Variants in CACNA1B observed in about 807,000 individuals in gnomAD.
CACNA1B encodes voltage-dependent N-type calcium channel subunit alpha-1B.
Under a neutral mutation model 247.2 loss-of-function variants are expected in CACNA1B, and 70 were observed. The ratio of observed to expected loss-of-function variants is 0.28; its 90% confidence interval spans 0.23 to 0.35. The LOEUF is 0.35. Among genes scored for constraint, CACNA1B ranks in the 10% least tolerant of loss-of-function variants. The pLI, the probability that CACNA1B is intolerant of heterozygous loss-of-function variation, is 1.00. For missense variants in CACNA1B, 2,367 were observed against 3,197.4 expected, an observed-to-expected ratio of 0.74 and a Z score of 6.26; for synonymous variants, 1,231 against 1,294.4, an observed-to-expected ratio of 0.95 and a Z score of 1.05.
intron 19 of CACNA1B, among the ~76,000 whole-genome samples, chr9:138,024,649 G>T (rs1022315900): frequency 2.0e-5 from 3 of 152,068 alleles, no homozygotes; most frequent in African/African-American, 7.2e-5. Context: ...ATTATTATTG[G>T]AGACAGGACC....
At chr9:137,904,838 G>T (rs1423188779) in intron 3 of CACNA1B, among the ~76,000 whole-genome samples, 2 of 151,934 alleles carry the variant, frequency 1.3e-5, no homozygotes, top group African/African-American at 4.8e-5. Context: ...TCCTATTCAT[G>T]TCCTACTATG....
chr9:137,901,686 A>AC (rs1957241785), intron 3 of CACNA1B, among the ~76,000 whole-genome samples: 1 of 112,396 alleles, frequency 8.9e-6, no homozygotes, highest in Non-Finnish European at 1.8e-5. Context: ...TTTTTTTGTG[A>AC]TTTTTTTTTT....
At chr9:137,939,843 TAAATAAAA>T (rs202143446) in intron 6 of CACNA1B, among the ~76,000 whole-genome samples, 32,069 of 139,448 alleles carry the variant, frequency 0.23, 4,276 homozygotes, top group East Asian at 0.46. Context: ...AATAAATAAA[TAAATAAAA>T]AAAAATAAAA....
intron 15 of CACNA1B, among the ~76,000 whole-genome samples, chr9:138,000,255 C>CGT (rs1958554211): frequency 1.3e-5 from 2 of 152,026 alleles, no homozygotes; most frequent in South Asian, 2.1e-4. Context: ...CCCGCCACTA[C>CGT]GCCCGGCTAA....
Position 138,100,523 on chromosome 9 carries a change from C to T in CACNA1B, c.5223-2188C>T, listed in dbSNP as rs1009276393. Among the ~76,000 whole-genome samples, 1 of 152,070 alleles carries T rather than the reference C, an allele frequency of 6.6e-6. No individual in the cohort carries two copies. Among genetic ancestry groups the T allele is most frequent in the African/African-American group, 2.4e-5 (1 of 41,404 alleles). On this transcript the variant is annotated intron_variant, in intron 37 of 46. Transcript: ENST00000371372. This position sits in a 1 kb window ranked among gnomAD's most constrained non-coding sequence, Gnocchi z 4.6. ...GGGGCTTCCTGTTTCTTCCCTTTTA[C>T]AGAAGGAAATTCAACATGATTTGGA...
intron 20 of CACNA1B, among the ~76,000 whole-genome samples, chr9:138,042,641 C>T (rs1271731122): frequency 6.6e-6 from 1 of 152,144 alleles, no homozygotes; most frequent in Non-Finnish European, 1.5e-5. Context: ...TTTGATGGTG[C>T]CCATTTCAAA....
chr9:137,924,841 A>G (rs1205005780), intron 6 of CACNA1B, among the ~76,000 whole-genome samples: 2 of 152,196 alleles, frequency 1.3e-5, no homozygotes, highest in African/African-American at 2.4e-5. Context: ...CTAGTACTAG[A>G]GTGTCCAGCA....
rs1197973142 is a variant in CACNA1B, at chr9:137,899,868, C to T, written c.531-13312C>T. On this transcript the variant is annotated intron_variant, in intron 3 of 46. Coordinates refer to ENST00000371372, the MANE Select transcript of CACNA1B (RefSeq NM_000718.4). This position sits in a 1 kb window ranked among gnomAD's most constrained non-coding sequence, Gnocchi z 5.0. Reference sequence around the variant, plus strand: ...CGCACCTGTGCAGGATTTGTGGTCTCCCCTGGCTCAGCGCAGACCCTCTGA... The same window carrying T: ...CGCACCTGTGCAGGATTTGTGGTCTTCCCTGGCTCAGCGCAGACCCTCTGA... Among the ~76,000 whole-genome samples, 3 of 152,172 alleles carry T rather than the reference C, an allele frequency of 2.0e-5. No homozygotes were observed. The highest frequency in any genetic ancestry group is 2.9e-5 in the Non-Finnish European group (2 of 68,030).
intron 3 of CACNA1B, among the ~76,000 whole-genome samples, chr9:137,901,489 C>T (rs889840809): frequency 6.6e-6 from 1 of 151,960 alleles, no homozygotes; most frequent in Admixed American, 6.6e-5. Flanking sequence ...CCAAGCCCAG[C>T]TGATTTTTGT....
At chr9:137,937,737 G>A (rs1222577687) in intron 6 of CACNA1B, among the ~76,000 whole-genome samples, 1 of 151,918 alleles carries the variant, frequency 6.6e-6, no homozygotes, top group African/African-American at 2.4e-5. Flanking sequence ...CCTGAGGTTG[G>A]GAGTTTGTGA....
chr9:138,081,668 C>T (rs1213109533), intron 36 of CACNA1B, among the ~76,000 whole-genome samples: 1 of 151,038 alleles, frequency 6.6e-6, no homozygotes, highest in Non-Finnish European at 1.5e-5. Flanking sequence ...GTATTTTAGT[C>T]TCTGTGACAG....
chr9:138,031,856 A>G (rs1194667767), intron 20 of CACNA1B, among the ~76,000 whole-genome samples: 1 of 151,920 alleles, frequency 6.6e-6, no homozygotes, highest in Non-Finnish European at 1.5e-5. Flanking sequence ...CATGGTATAT[A>G]TTTTTTCAAC....
chr9:138,021,687 G>A (rs951361907), intron 18 of CACNA1B, among the ~76,000 whole-genome samples: 3 of 152,252 alleles, frequency 2.0e-5, no homozygotes, highest in African/African-American at 7.2e-5. Context: ...CTGACTCACT[G>A]TGGGACCCTG....
At chr9:137,953,526 G>C (rs1957903614) in intron 7 of CACNA1B, among the ~76,000 whole-genome samples, 1 of 152,176 alleles carries the variant, frequency 6.6e-6, no homozygotes, top group Non-Finnish European at 1.5e-5. Flanking sequence ...TCATTAGCAG[G>C]CCTCTCCAAA....
At chr9:137,936,481 A>G (rs1433279377) in intron 6 of CACNA1B, among the ~76,000 whole-genome samples, 1 of 152,126 alleles carries the variant, frequency 6.6e-6, no homozygotes, top group Non-Finnish European at 1.5e-5. Context: ...GAAGCTCTTT[A>G]GTTTAATTAG....
intron 10 of CACNA1B, among the ~76,000 whole-genome samples, chr9:137,966,073 T>C (rs1029822590): frequency 6.6e-6 from 1 of 152,216 alleles, no homozygotes; most frequent in African/African-American, 2.4e-5. Flanking sequence ...TTGTCGACAT[T>C]GAATGTCATT....
intron 18 of CACNA1B, among the ~76,000 whole-genome samples, chr9:138,019,705 C>T (rs1037238985): frequency 4.6e-5 from 7 of 152,192 alleles, no homozygotes; most frequent in East Asian, 3.9e-4. Flanking sequence ...AGTCTTTCCA[C>T]GAGCACTGTT....
chr9:138,111,984 C>T (rs1589134549), intron 39 of CACNA1B, among the ~76,000 whole-genome samples: 1 of 151,516 alleles, frequency 6.6e-6, no homozygotes, highest in Admixed American at 6.6e-5. Context: ...TAGACTAAAG[C>T]GTTGTCAACT....
intron 6 of CACNA1B, among the ~76,000 whole-genome samples, chr9:137,921,434 G>C (rs1727021540): frequency 6.6e-6 from 1 of 152,112 alleles, no homozygotes; most frequent in East Asian, 1.9e-4. Context: ...CGACCGCACA[G>C]CATCCTGGGA....
Sources: allele counts gnomAD v4.1 joint callset (sites outside exome capture counted in the v4.1 genomes callset), GRCh38; gene constraint gnomAD v4.1.1; non-coding constraint Gnocchi (gnomAD v3.1); transcripts MANE v1.5; gene names NCBI Gene and HGNC (gene_info 2026-07-23, HGNC 2026-07-21).